Variants in MED13L observed in about 807,000 individuals in gnomAD.
MED13L encodes mediator of RNA polymerase II transcription subunit 13-like.
A neutral mutation model predicts 220.9 loss-of-function variants in MED13L; 7 were observed. That is an observed-to-expected ratio of 0.03 (90% CI 0.02 to 0.06). MED13L has a LOEUF of 0.06. MED13L is among the 10% of genes least tolerant of loss of function. The probability of loss-of-function intolerance (pLI) is 1.00; values close to 1 mark genes in which losing one functional copy is unlikely to be tolerated. For synonymous variants in MED13L, 1,011 were observed against 1,015.2 expected (o/e 1.00, Z 0.08); for missense variants, 1,965 against 2,760.5 (o/e 0.71, Z 6.46).
Position 115,969,107 on chromosome 12 carries a change from AG to A in MED13L, c.6068-11del. 2 of 1,613,460 alleles carry A rather than the reference AG, an allele frequency of 1.2e-6. No homozygotes were observed. The highest frequency in any genetic ancestry group is 1.7e-6 in the Non-Finnish European group (2 of 1,179,686). On this transcript the variant is annotated splice_polypyrimidine_tract_variant and intron_variant, in intron 27 of 30. Coordinates refer to ENST00000281928, the MANE Select transcript of MED13L (RefSeq NM_015335.5). ...TCAACAAACATATCATCTAGAGGGA[AG>A]GGGGGAAAAAAAGCACAAAAATTAA...
intron 16 of MED13L, among the ~76,000 whole-genome samples, chr12:115,993,194 AG>A (rs1054567080): frequency 2.0e-5 from 3 of 152,178 alleles, no homozygotes; most frequent in African/African-American, 4.8e-5. Flanking sequence ...TTGGTATCCG[AG>A]GGGGTCCTGG....
intron 2 of MED13L, chr12:116,169,314 C>CTA (rs1879511361): frequency 6.6e-6 from 1 of 152,316 alleles, no homozygotes; most frequent in Admixed American, 6.5e-5. Context: ...TCCAAGTGAT[C>CTA]TGTTTTACTG....
At chr12:115,986,677 A>C (rs189918797) in intron 18 of MED13L, among the ~76,000 whole-genome samples, 188 bp from the exon 19 acceptor site, 9 of 152,326 alleles carry the variant, frequency 5.9e-5, no homozygotes, top group East Asian at 3.9e-4. Context: ...TTAATTAAGT[A>C]AGTCAGAATT....
chr12:116,089,929 G>A (rs975697210), intron 4 of MED13L, among the ~76,000 whole-genome samples: 7 of 152,108 alleles, frequency 4.6e-5, no homozygotes, highest in Non-Finnish European at 1.0e-4. Context: ...ACAAAGCAGA[G>A]GATAAGACAT....
At chr12:116,076,380 T>C (rs1486805304) in intron 4 of MED13L, among the ~76,000 whole-genome samples, 2 of 151,978 alleles carry the variant, frequency 1.3e-5, no homozygotes, top group African/African-American at 2.4e-5. Context: ...CTACAATAAA[T>C]ACACAAATTA....
intron 2 of MED13L, among the ~76,000 whole-genome samples, chr12:116,158,770 G>A (rs892324872): frequency 8.5e-5 from 13 of 152,058 alleles, no homozygotes; most frequent in East Asian, 1.9e-4. Context: ...AATTTACTAC[G>A]TCACTTAATT....
chr12:116,003,082 G>A lies in MED13L; in HGVS notation c.2490C>T (p.Arg830=). 6.2e-7 allele frequency: 1 copy of A among 1,614,066 alleles called. No individual in the cohort carries two copies. The change falls in exon 14 of 31, where the codon CGC becomes CGT. Residue 830 remains arginine (R), a synonymous_variant. Coordinates refer to ENST00000281928, the MANE Select transcript of MED13L (RefSeq NM_015335.5). ...DELGAVSPAL[R]SSKMPAVGTE... ...TCCCAACTGCAGGCATTTTTGATGAGCGCAGAGCAGGTGATACAGCCTAAG... is the reference window on the plus strand; with the variant it reads ...TCCCAACTGCAGGCATTTTTGATGAACGCAGAGCAGGTGATACAGCCTAAG...
intron 6 of MED13L, among the ~76,000 whole-genome samples, 161 bp downstream of exon 6, chr12:116,019,617 G>C (rs1879934557): frequency 6.6e-6 from 1 of 152,162 alleles, no homozygotes; most frequent in African/African-American, 2.4e-5. Flanking sequence ...GACCAAGGGT[G>C]CTTCAGGCAA....
chr12:116,009,859 G>A (rs895705574), intron 9 of MED13L, among the ~76,000 whole-genome samples: 8 of 152,190 alleles, frequency 5.3e-5, no homozygotes, highest in African/African-American at 1.9e-4. Context: ...TGTGAAAAAT[G>A]GCTCAGTAAG....
intron 1 of MED13L, among the ~76,000 whole-genome samples, chr12:116,247,057 G>C (rs1871162878): frequency 1.3e-5 from 2 of 152,042 alleles, no homozygotes; most frequent in African/African-American, 4.8e-5. Context: ...AAATCTAAAA[G>C]TAACTATGAC....
intron 29 of MED13L, among the ~76,000 whole-genome samples, 166 bp downstream of exon 29, chr12:115,965,916 C>T (rs1451212266): frequency 1.3e-5 from 2 of 152,146 alleles, no homozygotes; most frequent in Admixed American, 6.5e-5. Flanking sequence ...AAATTCTACT[C>T]TCCACCTACA....
At chr12:116,141,280 T>C (rs1877045652) in intron 2 of MED13L, among the ~76,000 whole-genome samples, 2 of 152,240 alleles carry the variant, frequency 1.3e-5, no homozygotes, top group Admixed American at 6.5e-5. Flanking sequence ...ATTGTAATTA[T>C]ATAAATGAAG....
intron 1 of MED13L, among the ~76,000 whole-genome samples, chr12:116,258,048 T>A (rs912054487): frequency 6.6e-6 from 1 of 152,216 alleles, no homozygotes; most frequent in East Asian, 1.9e-4. Flanking sequence ...TTAGCACTTG[T>A]ACTAAATTAT....
chr12:116,258,761 G>A lies in MED13L; in HGVS notation c.72+18299C>T, dbSNP rs1872261380. 3.5e-5 allele frequency among the ~76,000 whole-genome samples: 5 copies of A among 142,470 alleles called. No individual in the cohort carries two copies. The South Asian group carries it at 1.2e-3, about 33-fold the overall frequency. 93.5% of individuals were successfully genotyped at this position (142,470 alleles called of 152,430 possible). ...ACTGCACTCCGGCCTGGGCGACAGA[G>A]TGAGACTCCATCTCAGAAAAAAAAA... On this transcript the variant is annotated intron_variant, in intron 1 of 30. Coordinates refer to ENST00000281928, the MANE Select transcript of MED13L (RefSeq NM_015335.5).
intron 4 of MED13L, among the ~76,000 whole-genome samples, chr12:116,063,604 A>G (rs1869688281): frequency 6.6e-6 from 1 of 152,122 alleles, no homozygotes; most frequent in South Asian, 2.1e-4. Flanking sequence ...AGTTTTATGT[A>G]CCTCCAAAAC....
chr12:116,021,408 A>G (rs1233127618), intron 5 of MED13L, among the ~76,000 whole-genome samples: 2 of 152,186 alleles, frequency 1.3e-5, no homozygotes, highest in African/African-American at 2.4e-5. Flanking sequence ...TCAAGAAAAC[A>G]GTATTTTAAA....
At chr12:116,192,325 T>C (rs1040793009) in intron 2 of MED13L, among the ~76,000 whole-genome samples, 1 of 152,238 alleles carries the variant, frequency 6.6e-6, no homozygotes, top group Non-Finnish European at 1.5e-5. Flanking sequence ...GTTAGTTATA[T>C]TTGTTTTGAA....
At chr12:116,217,179 T>A (rs1015777523) in intron 2 of MED13L, among the ~76,000 whole-genome samples, 6 of 152,106 alleles carry the variant, frequency 3.9e-5, no homozygotes, top group Admixed American at 2.6e-4. Flanking sequence ...GCATGACACA[T>A]GAGCATGACC....
At chr12:116,044,393 A>C (rs1881709482) in intron 4 of MED13L, among the ~76,000 whole-genome samples, 1 of 152,228 alleles carries the variant, frequency 6.6e-6, no homozygotes, top group Admixed American at 6.5e-5. Context: ...ACACGAAAGA[A>C]AGCGCAAGTG....
Sources: gnomAD v4.1 joint callset for allele counts (sites outside exome capture counted in the v4.1 genomes callset) on GRCh38, gnomAD v4.1.1 for gene constraint, MANE v1.5 for transcripts, NCBI Gene and HGNC (gene_info 2026-07-23, HGNC 2026-07-21) for gene names.